CLCA2: variants seen among roughly 807,000 people sequenced by gnomAD.
The protein encoded by CLCA2 is chloride channel accessory 2.
In CLCA2, 85 loss-of-function variants were observed where a neutral mutation model predicts 82.9. That is an observed-to-expected ratio of 1.03 (90% CI 0.86 to 1.23). The LOEUF is 1.23. Ranked by LOEUF, CLCA2 falls within the 50% of genes most tolerant of loss-of-function variation. CLCA2 has a pLI of 0.00. For synonymous variants in CLCA2, 421 were observed against 391.7 expected (o/e 1.07, Z -0.88); for missense variants, 1,089 against 1,124.8 (o/e 0.97, Z 0.45).
chr1:86,453,927 G>A (rs1663024045), intron 13 of CLCA2, among the ~76,000 whole-genome samples: 1 of 152,194 alleles, frequency 6.6e-6, no homozygotes, highest in Non-Finnish European at 1.5e-5. Context: ...TTCATTTTCT[G>A]AAAGTTGGGT....
At position 86,443,812 on chromosome 1, in the gene CLCA2, A is replaced by G. The variant is rs1320095836; in HGVS notation, c.1514A>G (p.Lys505Arg). ...IQLESTGENV[K>R]PHHQLKNTVT... ...CTTGAAAGTACAGGTGAAAATGTCAAACCTCACCATCAATTGAAAAACACA... is the reference window on the plus strand; with the variant it reads ...CTTGAAAGTACAGGTGAAAATGTCAGACCTCACCATCAATTGAAAAACACA... The change falls in exon 10 of 14, where the codon AAA becomes AGA. Residue 505 changes from lysine to arginine, a missense_variant. Lys to Arg is a conservative substitution (Grantham distance 26). Coordinates refer to ENST00000370565, the MANE Select transcript of CLCA2 (RefSeq NM_006536.7). 1.2e-6 allele frequency: 2 copies of G among 1,613,984 alleles called. No individual in the cohort carries two copies. Among genetic ancestry groups the G allele is most frequent in the South Asian group, 2.2e-5 (2 of 91,074 alleles).
intron 1 of CLCA2, 85 bp from the exon 2 acceptor site, chr1:86,425,254 T>C (rs2101686991): frequency 1.0e-6 from 1 of 967,434 alleles, no homozygotes; most frequent in South Asian, 2.0e-5. Flanking sequence ...TTCATTGTCT[T>C]TTATTACTGT....
In CLCA2 at chr1:86,432,430, T is replaced by A. The variant is rs1382364530; in HGVS notation, c.646T>A (p.Cys216Ser). 1.9e-6 allele frequency: 3 copies of A among 1,614,052 alleles called. No homozygotes were observed. The East Asian group carries it at 6.7e-5, about 36-fold the overall frequency. The change falls in exon 5 of 14, where the codon TGT becomes AGT. Residue 216 changes from cysteine (C) to serine (S), a missense_variant. Transcript: ENST00000370565. ...AAAAGGTCCTTGCCCCCAAGAAAAC[T>A]GTATTATTAGTAAGCTTTTTAAAGA... ...CEKGPCPQEN[C>S]IISKLFKEGC...
At chr1:86,435,671 T>G (rs2101697239) in intron 6 of CLCA2, among the ~76,000 whole-genome samples, 1 of 152,346 alleles carries the variant, frequency 6.6e-6, no homozygotes, top group South Asian at 2.1e-4. Flanking sequence ...GGGATAATAG[T>G]GCCTACTTTT....
rs143699831 is a variant in CLCA2 at position 86,447,521 on chromosome 1, C to G, written c.1727C>G (p.Thr576Ser). The change falls in exon 11 of 14, where the codon ACT (threonine) becomes AGT (serine). Residue 576 changes from threonine (T) to serine (S), a missense_variant. Physicochemically the swap from Thr to Ser is moderately conservative, Grantham distance 58 (BLOSUM62 1). Coordinates refer to ENST00000370565, the MANE Select transcript of CLCA2 (RefSeq NM_006536.7). ...CTTGTTTTACAGCCTGGGCACTGGA[C>G]TTACACCCTGAACAATACCCATCAT... ...IPGTAKPGHW[T>S]YTLNNTHHSL... The G allele has an allele frequency of 5.6e-6, 9 of 1,613,908 alleles. No individual in the cohort carries two copies. In the African/African-American group the frequency reaches 1.2e-4, roughly 22 times the overall value.
rs139351826 is a variant in CLCA2, at chr1:86,453,486, G to A, written c.2273G>A (p.Gly758Asp). ...TTTTCAGTGCTGGGAGTTCCAGCTG[G>A]CCCCCACCCTGATGTGTTTCCACCA... Reference protein sequence around the residue: ...GSFSVLGVPAGPHPDVFPPCK... With the variant: ...GSFSVLGVPADPHPDVFPPCK... Residue 758 changes from glycine to aspartate, a missense_variant, in exon 13 of 14, where the codon GGC becomes GAC. Gly to Asp is a moderately conservative substitution (Grantham distance 94). Transcript: ENST00000370565. The A allele has an allele frequency of 3.1e-6, 5 of 1,614,112 alleles. No homozygotes were observed. Among genetic ancestry groups the A allele is most frequent in the Non-Finnish European group, 4.2e-6 (5 of 1,180,006 alleles).
At chr1:86,443,707 ATTG>A in intron 9 of CLCA2, 77 bp from the exon 10 acceptor site, 3 of 1,034,912 alleles carry the variant, frequency 2.9e-6, no homozygotes, top group East Asian at 2.6e-5. Context: ...TTGCCAATTA[ATTG>A]TTGTTTGTTA....
At position 86,439,070 on chromosome 1, in the gene CLCA2, C is replaced by A. The variant is rs906426739; in HGVS notation, c.1167C>A (p.Asp389Glu). The A allele has an allele frequency of 4.3e-6, 7 of 1,614,002 alleles. No individual in the cohort carries two copies. The highest frequency in any genetic ancestry group is 4.0e-5 in the African/African-American group (3 of 74,924). Reference protein sequence around the residue: ...YLPTTVSAKTDISICSGLKKG... With the variant: ...YLPTTVSAKTEISICSGLKKG... ...CCACCACTGTATCAGCTAAAACAGACATCAGCATTTGTTCAGGGCTTAAGA... is the reference window on the plus strand; with the variant it reads ...CCACCACTGTATCAGCTAAAACAGAAATCAGCATTTGTTCAGGGCTTAAGA... Residue 389 changes from aspartate to glutamate, a missense_variant, in exon 7 of 14, where the codon GAC (aspartate) becomes GAA (glutamate). Asp to Glu is a conservative substitution (Grantham distance 45). Coordinates refer to ENST00000370565, the MANE Select transcript of CLCA2 (RefSeq NM_006536.7).
chr1:86,441,607 A>C (rs1278180994), intron 9 of CLCA2, 64 bp downstream of exon 9: 2 of 1,076,618 alleles, frequency 1.9e-6, no homozygotes, highest in Admixed American at 3.5e-5. Flanking sequence ...AAACAAGGGA[A>C]ATCAACGAAT....
At chr1:86,454,749 G>A (rs1167524984) in intron 13 of CLCA2, among the ~76,000 whole-genome samples, 2 of 152,210 alleles carry the variant, frequency 1.3e-5, no homozygotes, top group Admixed American at 6.5e-5. Flanking sequence ...CCAAGATGGC[G>A]CCACTGCACT....
intron 4 of CLCA2, 21 bp from the exon 5 acceptor site, chr1:86,432,348 A>G (rs909100096): frequency 1.9e-6 from 3 of 1,610,758 alleles, no homozygotes; most frequent in Non-Finnish European, 2.5e-6. Context: ...CCTAATTCCC[A>G]GTTTCTCTTT....
chr1:86,443,553 A>G (rs993929284), intron 9 of CLCA2, among the ~76,000 whole-genome samples: 2 of 152,262 alleles, frequency 1.3e-5, no homozygotes, highest in African/African-American at 4.8e-5. Context: ...ATAAAGAATA[A>G]TGAAATGACA....
In CLCA2 at chr1:86,453,357, T is replaced by C. The variant is rs779377770; in HGVS notation, c.2156-12T>C. The C allele has an allele frequency of 3.2e-5, 51 of 1,602,720 alleles. No homozygotes were observed. In the Middle Eastern group the frequency reaches 8.3e-4, roughly 26 times the overall value. The stretch of plus-strand genomic sequence containing the variant: ...TTTGTCATTTTGCCTTTTTTTTTCT[T>C]TTTTGTCTCAGGTAATATTCAGATG... On this transcript the variant is annotated splice_polypyrimidine_tract_variant and intron_variant, in intron 12 of 13. Coordinates refer to ENST00000370565, the MANE Select transcript of CLCA2 (RefSeq NM_006536.7).
At chr1:86,434,851 A>G in intron 6 of CLCA2, 106 bp downstream of exon 6, 2 of 901,996 alleles carry the variant, frequency 2.2e-6, no homozygotes, top group East Asian at 2.6e-5. Flanking sequence ...AGGACGTTCA[A>G]GTTTGTTACA....
At chr1:86,432,921 C>T (rs1301256293) in intron 5 of CLCA2, among the ~76,000 whole-genome samples, 1 of 152,266 alleles carries the variant, frequency 6.6e-6, no homozygotes, top group East Asian at 1.9e-4. Flanking sequence ...AATCTCTTTC[C>T]TTTGTTTTGA....
At chr1:86,428,635 G>C in intron 3 of CLCA2, 67 bp downstream of exon 3, 1 of 1,537,676 alleles carries the variant, frequency 6.5e-7, no homozygotes, top group Non-Finnish European at 8.8e-7. Context: ...GCTTGGTGCT[G>C]AAAGGGACTC....
intron 2 of CLCA2, among the ~76,000 whole-genome samples, chr1:86,426,487 C>T (rs971694260): frequency 6.6e-6 from 1 of 152,096 alleles, no homozygotes; most frequent in Non-Finnish European, 1.5e-5. Context: ...CTGTGAAAAG[C>T]ATTTGACCTA....
chr1:86,434,464 A>G, intron 5 of CLCA2, 54 bp from the exon 6 acceptor site: 6 of 1,442,782 alleles, frequency 4.2e-6, no homozygotes, highest in Non-Finnish European at 4.9e-6. Context: ...AATGAGAACT[A>G]TGTTTGCTTT....
rs1234707875 is a variant in CLCA2 at position 86,450,711 on chromosome 1, T to C, written c.2133T>C (p.Tyr711=). ...CTATTCCAGGGAGTCATGCTATGTA[T>C]GTACCAGGTTACACAGCAAACGGTA... is the stretch of plus-strand genomic sequence containing the variant. ...AHSIPGSHAM[Y]VPGYTANGNI... Residue 711 remains tyrosine (Y), a synonymous_variant, in exon 12 of 14, where the codon TAT becomes TAC. Coordinates refer to ENST00000370565, the MANE Select transcript of CLCA2 (RefSeq NM_006536.7). 3.1e-6 allele frequency: 5 copies of C among 1,607,204 alleles called. No homozygotes were observed. Among genetic ancestry groups the C allele is most frequent in the Non-Finnish European group, 4.2e-6 (5 of 1,176,654 alleles).
Sources: gnomAD v4.1 joint callset for allele counts (sites outside exome capture counted in the v4.1 genomes callset) on GRCh38, gnomAD v4.1.1 for gene constraint, MANE v1.5 for transcripts, NCBI Gene and HGNC (gene_info 2026-07-23, HGNC 2026-07-21) for gene names.